EXOC6B: variants seen among roughly 807,000 people sequenced by gnomAD.
EXOC6B encodes SEC15 homolog B.
In EXOC6B, 54 loss-of-function variants were observed where a neutral mutation model predicts 113.5. The ratio of observed to expected loss-of-function variants is 0.48; its 90% CI spans 0.38 to 0.60. EXOC6B has a LOEUF of 0.60. Among genes scored for constraint, EXOC6B ranks in the 20% least tolerant of loss-of-function variants. EXOC6B has a pLI of 0.00. For missense variants in EXOC6B, 797 were observed against 977.5 expected (o/e 0.82, Z 2.46); for synonymous variants, 357 against 339.0 (o/e 1.05, Z -0.58).
At chr2:72,554,677 C>T (rs1703433715) in intron 8 of EXOC6B, among the ~76,000 whole-genome samples, 1 of 152,162 alleles carries the variant, frequency 6.6e-6, no homozygotes, top group Non-Finnish European at 1.5e-5. Flanking sequence ...TTTATAATTA[C>T]CCAGTCTCAG....
intron 6 of EXOC6B, among the ~76,000 whole-genome samples, chr2:72,648,729 A>G (rs1353327266): frequency 6.6e-6 from 1 of 152,246 alleles, no homozygotes; most frequent in Non-Finnish European, 1.5e-5. Context: ...ACAAGAAAGA[A>G]TGAGATGCAA....
At chr2:72,633,801 A>C (rs1314105784) in intron 6 of EXOC6B, among the ~76,000 whole-genome samples, 1 of 152,192 alleles carries the variant, frequency 6.6e-6, no homozygotes, top group African/African-American at 2.4e-5. Context: ...TAAATAACTT[A>C]AAGTTTTCTG....
intron 1 of EXOC6B, among the ~76,000 whole-genome samples, chr2:72,814,678 C>T (rs1392893830): frequency 6.6e-6 from 1 of 152,188 alleles, no homozygotes; most frequent in Admixed American, 6.5e-5. Flanking sequence ...TGGGAGTTAA[C>T]AGATCTCAAT....
At chr2:72,510,138 ATCAG>A (rs1313240484) in intron 11 of EXOC6B, among the ~76,000 whole-genome samples, 1 of 152,118 alleles carries the variant, frequency 6.6e-6, no homozygotes, top group African/African-American at 2.4e-5. Context: ...CCGACCTAAT[ATCAG>A]TATTATTTTT....
chr2:72,768,552 G>A (rs913071861), intron 1 of EXOC6B, among the ~76,000 whole-genome samples: 1 of 150,390 alleles, frequency 6.6e-6, no homozygotes, highest in African/African-American at 2.4e-5. Context: ...TGATCCCCCC[G>A]CCTTGGCCTC....
At chr2:72,189,189 C>A (rs1351830858) in intron 20 of EXOC6B, among the ~76,000 whole-genome samples, 1 of 152,126 alleles carries the variant, frequency 6.6e-6, no homozygotes, top group African/African-American at 2.4e-5. Context: ...GTTTAGCTGT[C>A]ATGTCTCTTT....
At chr2:72,403,402 T>C (rs1396910707) in intron 18 of EXOC6B, among the ~76,000 whole-genome samples, 3 of 152,096 alleles carry the variant, frequency 2.0e-5, no homozygotes, top group African/African-American at 7.2e-5. Flanking sequence ...AAACATACTC[T>C]AGGGCCCAGT....
At chr2:72,705,934 A>G (rs1385799117) in intron 6 of EXOC6B, among the ~76,000 whole-genome samples, 9 of 152,170 alleles carry the variant, frequency 5.9e-5, no homozygotes, top group Non-Finnish European at 1.3e-4. Flanking sequence ...AGTCCTCATT[A>G]CCTGTTGAAT....
intron 18 of EXOC6B, among the ~76,000 whole-genome samples, chr2:72,434,343 C>T (rs1695726345): frequency 6.6e-6 from 1 of 152,138 alleles, no homozygotes; most frequent in Admixed American, 6.5e-5. Flanking sequence ...CGATGTTCAT[C>T]AAGGATATTG....
intron 20 of EXOC6B, among the ~76,000 whole-genome samples, chr2:72,253,423 T>C (rs1368381710): frequency 6.6e-6 from 1 of 152,170 alleles, no homozygotes; most frequent in African/African-American, 2.4e-5. Context: ...CTATTCACAA[T>C]AGCAAAGTCA....
chr2:72,271,074 G>A (rs1286897361), intron 20 of EXOC6B, among the ~76,000 whole-genome samples: 1 of 152,136 alleles, frequency 6.6e-6, no homozygotes. Flanking sequence ...CAGAGACAGT[G>A]CCTATTGTTT....
intron 8 of EXOC6B, among the ~76,000 whole-genome samples, chr2:72,558,775 GA>G (rs796774645): frequency 5.0e-4 from 70 of 140,734 alleles, no homozygotes; most frequent in Middle Eastern, 3.6e-3. Flanking sequence ...GTCTCAAAAA[GA>G]AAAAAAAAAG....
At chr2:72,234,805 G>A (rs1681852548) in intron 20 of EXOC6B, among the ~76,000 whole-genome samples, 1 of 151,858 alleles carries the variant, frequency 6.6e-6, no homozygotes, top group South Asian at 2.1e-4. Flanking sequence ...ACAGAAACAT[G>A]TAAAATCATT....
In EXOC6B at chr2:72,415,771, A is replaced by G. The variant is rs78502512; in HGVS notation, c.1981-35901T>C. ...CAAAGCGATTATGATCATGGTACAC[A>G]TAGTATATATAGTATATATGGAATA... On this transcript the variant is annotated intron_variant, in intron 18 of 21. Transcript: ENST00000272427. Among the ~76,000 whole-genome samples, 481 of 152,294 alleles carry G rather than the reference A, an allele frequency of 3.2e-3. 2 individuals are homozygous for G. Among genetic ancestry groups the G allele is most frequent in the Middle Eastern group, 6.8e-3 (2 of 294 alleles).
At chr2:72,475,789 C>T (rs777006958) in intron 17 of EXOC6B, among the ~76,000 whole-genome samples, 5 of 152,164 alleles carry the variant, frequency 3.3e-5, no homozygotes, top group Non-Finnish European at 5.9e-5. Context: ...AACACACACA[C>T]CATTTTCACC....
chr2:72,423,989 A>T (rs531844260), intron 18 of EXOC6B, among the ~76,000 whole-genome samples: 20 of 152,196 alleles, frequency 1.3e-4, no homozygotes, highest in Non-Finnish European at 2.8e-4. Flanking sequence ...GTTGAATTGC[A>T]TTTGCTACAT....
chr2:72,607,215 G>T (rs1489700878), intron 6 of EXOC6B, among the ~76,000 whole-genome samples: 3 of 152,108 alleles, frequency 2.0e-5, no homozygotes, highest in Non-Finnish European at 4.4e-5. Context: ...TATTTCTCCA[G>T]ATTATTAACA....
chr2:72,224,919 T>C (rs1681120024), intron 20 of EXOC6B, among the ~76,000 whole-genome samples: 1 of 151,344 alleles, frequency 6.6e-6, no homozygotes, highest in Non-Finnish European at 1.5e-5. Flanking sequence ...GATGTGTATA[T>C]ATGTGTATAT....
At chr2:72,344,363 C>G (rs1047695051) in intron 19 of EXOC6B, among the ~76,000 whole-genome samples, 1 of 151,688 alleles carries the variant, frequency 6.6e-6, no homozygotes, top group Non-Finnish European at 1.5e-5. Flanking sequence ...TTCTTTAGTT[C>G]TTTGAACATC....
Sources: gnomAD v4.1 joint callset for allele counts (sites outside exome capture counted in the v4.1 genomes callset) on GRCh38, gnomAD v4.1.1 for gene constraint, MANE v1.5 for transcripts, NCBI Gene and HGNC (gene_info 2026-07-23, HGNC 2026-07-21) for gene names.